The following SAMD12 variants were observed in gnomAD, a reference collection of about 807,000 sequenced individuals.
The protein encoded by SAMD12 is sterile alpha motif domain containing 12.
A neutral mutation model predicts 15.0 loss-of-function variants in SAMD12; 9 were observed. The observed-to-expected ratio is 0.60, with a 90% CI of 0.36 to 1.05. SAMD12 has a LOEUF of 1.05. Ranked by LOEUF, SAMD12 falls within the 50% of genes least tolerant of loss-of-function variation. SAMD12 has a pLI of 0.01. For missense variants in SAMD12, 230 were observed against 234.2 expected (o/e 0.98, Z 0.12); for synonymous variants, 86 against 90.1 (o/e 0.96, Z 0.25).
chr8:118,243,823 TA>T (rs1812625169), intron 4 of SAMD12, among the ~76,000 whole-genome samples: 1 of 152,112 alleles, frequency 6.6e-6, no homozygotes, highest in Non-Finnish European at 1.5e-5. Flanking sequence ...TGTAAAACTT[TA>T]AAGAGCTGAG....
intron 2 of SAMD12, among the ~76,000 whole-genome samples, chr8:118,488,521 T>C (rs1276188079): frequency 1.3e-5 from 2 of 152,152 alleles, no homozygotes; most frequent in East Asian, 3.9e-4. Flanking sequence ...TCATGTTTCT[T>C]GGCACCCAAT....
At chr8:118,470,391 G>A (rs1235743388) in intron 2 of SAMD12, among the ~76,000 whole-genome samples, 2 of 152,070 alleles carry the variant, frequency 1.3e-5, no homozygotes, top group Non-Finnish European at 2.9e-5. Context: ...TAGCTGCTTT[G>A]GAAGCCCCTT....
At chr8:118,185,847 G>A (rs1819234327), downstream of SAMD12, among the ~76,000 whole-genome samples, 1 of 152,148 alleles carries the variant, frequency 6.6e-6, no homozygotes, top group Admixed American at 6.5e-5. Context: ...TGGCAGGTTT[G>A]TTTTTAGCCC....
At chr8:118,197,369 C>A in exon 5 of SAMD12, 1 of 364,600 alleles carries the variant, frequency 2.7e-6, no homozygotes, top group South Asian at 6.0e-5. Context: ...AGTTGCCATG[C>A]TAAAACAGGA....
chr8:118,614,541 C>T (rs1031108239), intron 1 of SAMD12, among the ~76,000 whole-genome samples: 2 of 152,204 alleles, frequency 1.3e-5, no homozygotes, highest in African/African-American at 2.4e-5. Context: ...TACCCCAGGT[C>T]TCAAGGGCAG....
At chr8:118,470,055 A>G (rs1302506375) in intron 2 of SAMD12, among the ~76,000 whole-genome samples, 1 of 152,178 alleles carries the variant, frequency 6.6e-6, no homozygotes, top group Non-Finnish European at 1.5e-5. Flanking sequence ...AGTAAGACAG[A>G]AAGAGAAAAC....
chr8:118,576,003 T>A (rs914561707), intron 2 of SAMD12, among the ~76,000 whole-genome samples: 13 of 151,902 alleles, frequency 8.6e-5, no homozygotes, highest in Middle Eastern at 3.4e-3. Context: ...TTTTTTTTTT[T>A]AAATGACTGA....
chr8:118,162,057 G>A, the SAMD12 span, among the ~76,000 whole-genome samples: 1 of 151,518 alleles, frequency 6.6e-6, no homozygotes, highest in East Asian at 1.9e-4. Flanking sequence ...CTACTCGGGA[G>A]GCTGAGGCAG....
At chr8:118,213,585 A>G (rs1374894876) in intron 4 of SAMD12, among the ~76,000 whole-genome samples, 13 of 152,202 alleles carry the variant, frequency 8.5e-5, no homozygotes, top group Admixed American at 7.9e-4. Context: ...CAAATTGCAA[A>G]ATCATGAGCA....
At chr8:118,606,892 T>C (rs895297688) in intron 1 of SAMD12, among the ~76,000 whole-genome samples, 1 of 152,166 alleles carries the variant, frequency 6.6e-6, no homozygotes, top group Non-Finnish European at 1.5e-5. Flanking sequence ...CTTTCCTTTC[T>C]GACACTCCCC....
intron 2 of SAMD12, among the ~76,000 whole-genome samples, chr8:118,480,815 T>C (rs1824104160): frequency 1.3e-5 from 2 of 152,226 alleles, no homozygotes; most frequent in Non-Finnish European, 2.9e-5. Context: ...GGCACTGGCA[T>C]CTCCAGTTCC....
In SAMD12 at chr8:118,364,443, C is replaced by G. The variant is rs532121599; in HGVS notation, c.433+15117G>C. ...AGGATACCTTTAGGAACCCTAAGAG[C>G]TGAAAACTCCTTCTGAATTCACCTG... On this transcript the variant is annotated intron_variant, in intron 4 of 4. Coordinates refer to the SAMD12 transcript ENST00000409003. 7.2e-5 allele frequency among the ~76,000 whole-genome samples: 11 copies of G among 152,192 alleles called. No individual in the cohort carries two copies. In the East Asian group the frequency reaches 2.1e-3, roughly 30 times the overall value.
At chr8:118,529,653 CTTTG>C (rs770911439) in intron 2 of SAMD12, among the ~76,000 whole-genome samples, 27 of 152,286 alleles carry the variant, frequency 1.8e-4, no homozygotes, top group Non-Finnish European at 2.9e-4. Flanking sequence ...AGTGTTTTGA[CTTTG>C]TTTCTCAGTT....
intron 4 of SAMD12, among the ~76,000 whole-genome samples, chr8:118,240,178 C>T (rs978904920): frequency 2.6e-5 from 4 of 152,180 alleles, no homozygotes; most frequent in Middle Eastern, 3.4e-3. Context: ...CCAACAGCCA[C>T]GTGAGTGATG....
At chr8:118,403,629 A>G (rs748896381) in intron 3 of SAMD12, among the ~76,000 whole-genome samples, 35 of 152,210 alleles carry the variant, frequency 2.3e-4, no homozygotes, top group Non-Finnish European at 7.3e-5. Flanking sequence ...AGCTGCATTA[A>G]ACTAAAAACA....
chr8:118,387,746 C>A (rs1820043126), intron 3 of SAMD12, among the ~76,000 whole-genome samples: 1 of 152,148 alleles, frequency 6.6e-6, no homozygotes, highest in African/African-American at 2.4e-5. Flanking sequence ...AAGGCCACTT[C>A]TTGCAAAGGG....
chr8:118,311,206 T>C (rs1815613682), intron 4 of SAMD12, among the ~76,000 whole-genome samples: 1 of 152,214 alleles, frequency 6.6e-6, no homozygotes, highest in African/African-American at 2.4e-5. Flanking sequence ...CTCTTTTTAT[T>C]GCAGTATTGC....
At chr8:118,148,864 G>C in the SAMD12 span, among the ~76,000 whole-genome samples, 7 of 152,272 alleles carry the variant, frequency 4.6e-5, 1 homozygote, top group African/African-American at 1.4e-4. Flanking sequence ...TCAATGGTTT[G>C]TTATTTTTAA....
At chr8:118,275,964 G>A (rs966238644) in intron 4 of SAMD12, among the ~76,000 whole-genome samples, 1 of 152,120 alleles carries the variant, frequency 6.6e-6, no homozygotes, top group Non-Finnish European at 1.5e-5. Context: ...ACCATTGATG[G>A]GCACCTATGT....
Sources: gnomAD v4.1 joint callset for allele counts (sites outside exome capture counted in the v4.1 genomes callset) on GRCh38, gnomAD v4.1.1 for gene constraint, MANE v1.5 for transcripts, NCBI Gene and HGNC (gene_info 2026-07-23, HGNC 2026-07-21) for gene names.